DLC1: variants seen among roughly 807,000 people sequenced by gnomAD.
DLC1 encodes DLC1 Rho GTPase activating protein.
In DLC1, 54 loss-of-function variants were observed where a neutral mutation model predicts 140.3. The ratio of observed to expected loss-of-function variants is 0.38; its 90% CI spans 0.31 to 0.48. The LOEUF (loss-of-function observed/expected upper bound fraction) is 0.48, where lower values mean the gene tolerates loss of function less well. Among genes scored for constraint, DLC1 ranks in the 20% least tolerant of loss-of-function variants. The pLI, the probability that DLC1 is intolerant of heterozygous loss-of-function variation, is 0.96. For missense variants in DLC1, 2,536 were observed against 1,907.0 expected, an observed-to-expected ratio of 1.33 and a Z score of -6.14; for synonymous variants, 986 against 728.1, an observed-to-expected ratio of 1.35 and a Z score of -5.70.
intron 5 of DLC1, among the ~76,000 whole-genome samples, chr8:13,294,153 C>A (rs943735188): frequency 1.3e-5 from 2 of 152,282 alleles, no homozygotes; most frequent in Admixed American, 1.3e-4. Context: ...GATCTTTTGA[C>A]TGTTTCCATA....
chr8:13,494,268 A>G (rs765967093), intron 2 of DLC1, among the ~76,000 whole-genome samples: 2 of 152,248 alleles, frequency 1.3e-5, no homozygotes, highest in African/African-American at 2.4e-5. Flanking sequence ...ATCTCTCAAT[A>G]TAAATTGTCC....
At chr8:13,235,564 A>G (rs886257496) in intron 5 of DLC1, among the ~76,000 whole-genome samples, 1 of 152,096 alleles carries the variant, frequency 6.6e-6, no homozygotes, top group African/African-American at 2.4e-5. Flanking sequence ...GTACAAATGA[A>G]AACAGATGAG....
chr8:13,533,692 T>C (rs1803176632), intron 1 of DLC1, among the ~76,000 whole-genome samples: 1 of 152,190 alleles, frequency 6.6e-6, no homozygotes, highest in African/African-American at 2.4e-5. Flanking sequence ...TTATATGCTA[T>C]GATATGGTTT....
In DLC1 at chr8:13,326,424, G is replaced by A. The variant is rs142895223; in HGVS notation, c.1315-21122C>T. On this transcript the variant is annotated intron_variant, in intron 4 of 17. Transcript: ENST00000276297. ...AAAAAGAATACATATACAACATTAC[G>A]TATTTATAATTTTTTAAAGAAGAGG... Among the ~76,000 whole-genome samples the A allele has an allele frequency of 2.6e-5, 4 of 152,228 alleles. No homozygotes were observed. In the East Asian group the frequency reaches 7.7e-4, roughly 29 times the overall value.
intron 2 of DLC1, among the ~76,000 whole-genome samples, chr8:13,464,766 T>TATA (rs1563370459): frequency 0.033 from 241 of 7,328 alleles, 1 homozygote; most frequent in Non-Finnish European, 0.046. Flanking sequence ...ATATATATAT[T>TATA]TATATATATA....
chr8:13,591,266 C>T (rs918814490), intron 1 of DLC1, among the ~76,000 whole-genome samples: 6 of 152,076 alleles, frequency 3.9e-5, no homozygotes. Context: ...CTCACCCAAA[C>T]CTCATCTTGA....
intron 9 of DLC1, 139 bp from the exon 10 acceptor site, chr8:13,098,714 C>T (rs1818721151): frequency 2.2e-6 from 2 of 890,858 alleles, no homozygotes; most frequent in South Asian, 3.9e-5. Flanking sequence ...CTCCTCAGCT[C>T]AAGTGATCCT....
At position 13,150,402 on chromosome 8, in the gene DLC1, C is replaced by CT. The variant is rs368982817; in HGVS notation, c.1349-34746dup. 1.8e-3 allele frequency among the ~76,000 whole-genome samples: 275 copies of CT among 151,484 alleles called. 1 individual carries two copies. The highest frequency in any genetic ancestry group is 6.4e-3 in the African/African-American group (264 of 41,288). ...TAATAATAAGGGTTTCATTGTCTCT[C>CT]TTTTTTTTTCTTTGTCGCCAATACT... On this transcript the variant is annotated intron_variant, in intron 5 of 17. Transcript: ENST00000276297.
chr8:13,183,334 C>T (rs1168263991), intron 5 of DLC1, among the ~76,000 whole-genome samples: 2 of 152,130 alleles, frequency 1.3e-5, no homozygotes, highest in African/African-American at 4.8e-5. Context: ...TTGCCCTGGC[C>T]AGAACTTCCA....
chr8:13,295,938 CTTTGTTTTTTTTTTTTTT>C (rs1306445013), intron 5 of DLC1, among the ~76,000 whole-genome samples: 53 of 53,346 alleles, frequency 9.9e-4, no homozygotes, highest in Non-Finnish European at 1.6e-3. Context: ...AGATAAGATT[CTTTGTTTTTTTTTTTTTT>C]TTTTTTTTTT....
chr8:13,096,533 G>T (rs1339229795), intron 10 of DLC1, among the ~76,000 whole-genome samples: 1 of 151,966 alleles, frequency 6.6e-6, no homozygotes, highest in Non-Finnish European at 1.5e-5. Flanking sequence ...CGCTTTGTCG[G>T]GGGAGAAAAG....
intron 15 of DLC1, among the ~76,000 whole-genome samples, chr8:13,089,555 G>A (rs1004547471): frequency 6.6e-6 from 1 of 150,500 alleles, no homozygotes; most frequent in Non-Finnish European, 1.5e-5. Context: ...AAACCGGGAG[G>A]CAGAGGTTGC....
intron 2 of DLC1, among the ~76,000 whole-genome samples, chr8:13,458,228 G>A (rs1279156538): frequency 6.6e-6 from 1 of 152,156 alleles, no homozygotes; most frequent in African/African-American, 2.4e-5. Flanking sequence ...TGAGTGTTAT[G>A]TTTATTACCA....
chr8:13,126,340 T>G (rs955382570), intron 5 of DLC1, among the ~76,000 whole-genome samples: 2 of 149,870 alleles, frequency 1.3e-5, no homozygotes, highest in African/African-American at 5.0e-5. Flanking sequence ...AAATCGCTGC[T>G]ACAGGGACAC....
At chr8:13,152,555 A>G (rs533161361) in intron 5 of DLC1, among the ~76,000 whole-genome samples, 1 of 152,276 alleles carries the variant, frequency 6.6e-6, no homozygotes, top group African/African-American at 2.4e-5. Flanking sequence ...TTCAAATATA[A>G]GTTTTTAAAA....
intron 1 of DLC1, among the ~76,000 whole-genome samples, chr8:13,563,974 A>T (rs541692205): frequency 6.6e-6 from 1 of 152,216 alleles, no homozygotes; most frequent in Admixed American, 6.5e-5. Flanking sequence ...CAAGAAAAAT[A>T]TTACAACACT....
At chr8:13,344,604 A>G (rs748566354) in intron 4 of DLC1, among the ~76,000 whole-genome samples, 23 of 152,220 alleles carry the variant, frequency 1.5e-4, no homozygotes, top group Non-Finnish European at 3.1e-4. Context: ...GCCACAAAGC[A>G]GCACCCGCAA....
At chr8:13,149,646 C>A (rs1015753440) in intron 5 of DLC1, among the ~76,000 whole-genome samples, 4 of 152,188 alleles carry the variant, frequency 2.6e-5, no homozygotes, top group Non-Finnish European at 2.9e-5. Flanking sequence ...TTCACGTTCT[C>A]TTTTATAGTT....
intron 5 of DLC1, among the ~76,000 whole-genome samples, chr8:13,177,932 A>G (rs970158090): frequency 2.6e-5 from 4 of 152,176 alleles, no homozygotes; most frequent in Non-Finnish European, 5.9e-5. Flanking sequence ...CCCAAAAAAA[A>G]GGGGACTTGA....
Sources: gnomAD v4.1 joint callset for allele counts (sites outside exome capture counted in the v4.1 genomes callset) on GRCh38, gnomAD v4.1.1 for gene constraint, MANE v1.5 for transcripts, NCBI Gene and HGNC (gene_info 2026-07-23, HGNC 2026-07-21) for gene names.